Variants in TBC1D19 observed in about 807,000 individuals in gnomAD.
The protein encoded by TBC1D19 is TBC1 domain family member 19.
Under a neutral mutation model 89.0 loss-of-function variants are expected in TBC1D19, and 60 were observed. The observed-to-expected ratio is 0.67, with a 90% CI of 0.55 to 0.84. TBC1D19 has a LOEUF of 0.84. Among genes scored for constraint, TBC1D19 ranks in the 40% least tolerant of loss-of-function variants. The pLI is 0.00. For synonymous variants in TBC1D19, 189 were observed against 199.7 expected, an observed-to-expected ratio of 0.95 and a Z score of 0.45; for missense variants, 500 against 610.8, an observed-to-expected ratio of 0.82 and a Z score of 1.91.
intron 13 of TBC1D19, among the ~76,000 whole-genome samples, chr4:26,695,199 A>G (rs1714657736): frequency 6.6e-6 from 1 of 152,248 alleles, no homozygotes; most frequent in Admixed American, 6.5e-5. Flanking sequence ...CATGAGAACT[A>G]CGTGACAAAT....
At chr4:26,648,607 A>C (rs1282438116) in intron 7 of TBC1D19, among the ~76,000 whole-genome samples, 4 of 152,222 alleles carry the variant, frequency 2.6e-5, no homozygotes, top group African/African-American at 9.6e-5. Flanking sequence ...CAATGAATGA[A>C]GGTTTCACAT....
chr4:26,699,815 A>G (rs1715156802), intron 13 of TBC1D19, among the ~76,000 whole-genome samples: 1 of 150,738 alleles, frequency 6.6e-6, no homozygotes, highest in Non-Finnish European at 1.5e-5. Context: ...TTGAACAATG[A>G]GAACACTTGG....
chr4:26,804,719 G>C, the TBC1D19 span, among the ~76,000 whole-genome samples: 1 of 152,192 alleles, frequency 6.6e-6, no homozygotes, highest in African/African-American at 2.4e-5. Flanking sequence ...CCCTAGAGCT[G>C]CTCTGTTCGC....
intron 12 of TBC1D19, among the ~76,000 whole-genome samples, chr4:26,685,303 A>G (rs957564106): frequency 3.9e-5 from 6 of 152,172 alleles, no homozygotes; most frequent in African/African-American, 9.7e-5. Flanking sequence ...CCTGTTTTTA[A>G]TGTTCTTAAA....
At chr4:26,828,626 C>T in the TBC1D19 span, among the ~76,000 whole-genome samples, 1 of 152,140 alleles carries the variant, frequency 6.6e-6, no homozygotes, top group Non-Finnish European at 1.5e-5. Flanking sequence ...TCGGGAGCAC[C>T]CCCATCTTCA....
chr4:26,761,161 G>A (rs1719445571), downstream of TBC1D19, among the ~76,000 whole-genome samples: 1 of 152,092 alleles, frequency 6.6e-6, no homozygotes, highest in South Asian at 2.1e-4. Flanking sequence ...CTTTATTCAC[G>A]TATGTTAAAA....
At chr4:26,602,350 T>C (rs1740665460) in intron 1 of TBC1D19, among the ~76,000 whole-genome samples, 1 of 152,028 alleles carries the variant, frequency 6.6e-6, no homozygotes, top group African/African-American at 2.4e-5. Flanking sequence ...ACATTTATAC[T>C]AATGGCACAA....
the TBC1D19 span, among the ~76,000 whole-genome samples, chr4:26,842,042 A>G: frequency 6.6e-6 from 1 of 152,222 alleles, no homozygotes; most frequent in African/African-American, 2.4e-5. Context: ...TTTATATTTT[A>G]GGACCTTAGT....
chr4:26,737,770 C>T (rs908423085), intron 16 of TBC1D19, among the ~76,000 whole-genome samples: 2 of 152,028 alleles, frequency 1.3e-5, no homozygotes, highest in African/African-American at 4.8e-5. Context: ...TTTGCCATTT[C>T]AGTTTTAGTT....
the TBC1D19 span, among the ~76,000 whole-genome samples, chr4:26,842,520 C>T: frequency 7.0e-6 from 1 of 143,772 alleles, no homozygotes; most frequent in Non-Finnish European, 1.5e-5. Context: ...TCCTTCCTTC[C>T]CTTTCTTCCC....
chr4:26,817,144 G>A, the TBC1D19 span, among the ~76,000 whole-genome samples: 3 of 152,110 alleles, frequency 2.0e-5, no homozygotes, highest in African/African-American at 7.2e-5. Flanking sequence ...AACACAAATT[G>A]TGTGTGTATG....
At chr4:26,718,342 CT>C (rs56881657) in intron 14 of TBC1D19, among the ~76,000 whole-genome samples, 3 of 151,600 alleles carry the variant, frequency 2.0e-5, no homozygotes, top group Non-Finnish European at 4.4e-5. Flanking sequence ...GCTTTTTCTA[CT>C]TTTTTTAACA....
the TBC1D19 span, among the ~76,000 whole-genome samples, chr4:26,834,439 T>G: frequency 6.6e-6 from 1 of 152,046 alleles, no homozygotes; most frequent in African/African-American, 2.4e-5. Flanking sequence ...TGGACAGTGT[T>G]GGGGGTTGGA....
intron 2 of TBC1D19, among the ~76,000 whole-genome samples, chr4:26,614,024 C>T (rs1741529435): frequency 6.6e-6 from 1 of 152,152 alleles, no homozygotes; most frequent in Admixed American, 6.5e-5. Context: ...AGATACTTGT[C>T]ATCTATCTTC....
At chr4:26,826,347 A>G in the TBC1D19 span, among the ~76,000 whole-genome samples, 2 of 152,190 alleles carry the variant, frequency 1.3e-5, no homozygotes, top group Non-Finnish European at 2.9e-5. Context: ...TGCTGGATAC[A>G]TATTCAGTGA....
chr4:26,854,726 CTT>C, the TBC1D19 span, among the ~76,000 whole-genome samples: 18,119 of 125,890 alleles, frequency 0.14, 1,549 homozygotes, highest in African/African-American at 0.27. Context: ...AATCTCCAGC[CTT>C]TTTTTTTTTT....
chr4:26,754,365 G>A (rs1004582819), intron 20 of TBC1D19: 2 of 157,684 alleles, frequency 1.3e-5, no homozygotes, highest in South Asian at 1.9e-4. Flanking sequence ...CTGAAATATG[G>A]TTCAATTAAA....
At chr4:26,821,715 T>A in the TBC1D19 span, among the ~76,000 whole-genome samples, 2 of 152,230 alleles carry the variant, frequency 1.3e-5, no homozygotes, top group African/African-American at 4.8e-5. Context: ...CCTGTAACTG[T>A]GCCAGGGAGT....
At chr4:26,670,030 T>C (rs1712154318) in intron 9 of TBC1D19, among the ~76,000 whole-genome samples, 1 of 151,638 alleles carries the variant, frequency 6.6e-6, no homozygotes, top group South Asian at 2.1e-4. Context: ...AATATACTGT[T>C]TGTTATTTTC....
Sources: allele counts gnomAD v4.1 joint callset (sites outside exome capture counted in the v4.1 genomes callset), GRCh38; gene constraint gnomAD v4.1.1; transcripts MANE v1.5; gene names NCBI Gene and HGNC (gene_info 2026-07-23, HGNC 2026-07-21).